CACHD1: variants seen among roughly 807,000 people sequenced by gnomAD.
CACHD1 encodes cache domain containing 1.
A neutral mutation model predicts 138.7 loss-of-function variants in CACHD1; 71 were observed. The observed-to-expected ratio is 0.51, with a 90% CI of 0.42 to 0.62. CACHD1 has a LOEUF of 0.62. Ranked by LOEUF, CACHD1 falls within the 20% of genes least tolerant of loss-of-function variation. CACHD1 has a pLI of 0.00. For missense variants in CACHD1, 1,389 were observed against 1,625.3 expected, an observed-to-expected ratio of 0.85 and a Z score of 2.50; for synonymous variants, 578 against 591.5, an observed-to-expected ratio of 0.98 and a Z score of 0.33.
At position 64,470,758 on chromosome 1, in the gene CACHD1, C is replaced by G. The variant is rs1646138339; in HGVS notation, c.14C>G (p.Pro5Arg). The change falls in exon 1 of 27, where the codon CCG becomes CGG. Residue 5 changes from proline (P) to arginine (R), a missense_variant. Physicochemically the swap from Pro to Arg is moderately radical, Grantham distance 103 (BLOSUM62 -2). This residue lies in a region of CACHD1 where 1,000 missense variants were observed against 1,114.7 expected (regional missense o/e 0.90). Coordinates refer to ENST00000651257, the MANE Select transcript of CACHD1 (RefSeq NM_020925.4). This position sits in a 1 kb window ranked among gnomAD's most constrained non-coding sequence, Gnocchi z 5.2. MARQ[P>R]EEEETAVARA... ...GGGGGAGGCAGCATGGCCCGCCAGC[C>G]GGAGGAAGAGGAGACGGCCGTGGCC... The G allele has an allele frequency of 4.0e-6, 3 of 749,456 alleles. No individual in the cohort carries two copies. Among genetic ancestry groups the G allele is most frequent in the African/African-American group, 1.8e-5 (1 of 54,364 alleles). 46.4% of individuals were successfully genotyped at this position (749,456 alleles called of 1,614,324 possible).
chr1:64,481,126 C>A (rs540558445), intron 1 of CACHD1, among the ~76,000 whole-genome samples: 1 of 152,148 alleles, frequency 6.6e-6, no homozygotes, highest in African/African-American at 2.4e-5. Flanking sequence ...TAAAAAGTAG[C>A]TTATGGTCCA....
chr1:64,660,820 C>G (rs181109664), intron 13 of CACHD1, among the ~76,000 whole-genome samples: 1 of 152,146 alleles, frequency 6.6e-6, no homozygotes, highest in African/African-American at 2.4e-5. Context: ...GCCACTGTGC[C>G]CAGCCACTTT....
chr1:64,547,972 C>T (rs559790946), intron 1 of CACHD1, among the ~76,000 whole-genome samples: 39 of 152,234 alleles, frequency 2.6e-4, no homozygotes, highest in African/African-American at 9.1e-4. Context: ...TTAAAATTTT[C>T]TTTTGCCCAC....
intron 17 of CACHD1, 53 bp from the exon 18 acceptor site, chr1:64,673,105 A>G (rs1649868838): frequency 1.4e-5 from 13 of 952,052 alleles, no homozygotes; most frequent in Non-Finnish European, 1.9e-5. Flanking sequence ...AATACGTTTG[A>G]AAAAAAAAAA....
intron 1 of CACHD1, among the ~76,000 whole-genome samples, chr1:64,502,935 A>T (rs1211163083): frequency 6.6e-6 from 1 of 152,178 alleles, no homozygotes; most frequent in African/African-American, 2.4e-5. Context: ...ATCTCCCTGT[A>T]TTCCCTGGGG....
intron 26 of CACHD1, among the ~76,000 whole-genome samples, chr1:64,690,708 A>G (rs1650520023): frequency 6.6e-6 from 1 of 152,228 alleles, no homozygotes; most frequent in Non-Finnish European, 1.5e-5. Context: ...TAAAATGTAT[A>G]TTAAAATATA....
chr1:64,511,600 AC>A (rs1328794927), intron 1 of CACHD1, among the ~76,000 whole-genome samples: 2 of 152,186 alleles, frequency 1.3e-5, no homozygotes, highest in Non-Finnish European at 2.9e-5. Context: ...CCAAGTGGTC[AC>A]CCAGCCGCTT....
chr1:64,598,865 C>G (rs1007259490), intron 3 of CACHD1, among the ~76,000 whole-genome samples: 2 of 150,418 alleles, frequency 1.3e-5, no homozygotes, highest in African/African-American at 4.9e-5. Context: ...GTGTTGGAAA[C>G]TAATCACCAA....
Position 64,681,298 on chromosome 1 carries a change from T to A in CACHD1, c.3447T>A (p.Asp1149Glu), listed in dbSNP as rs1399249293. 9.9e-6 allele frequency: 16 copies of A among 1,614,000 alleles called. No homozygotes were observed. The highest frequency in any genetic ancestry group is 1.4e-5 in the Non-Finnish European group (16 of 1,179,888). Residue 1149 changes from aspartate (D) to glutamate (E), a missense_variant, in exon 25 of 27, where the codon GAT (aspartate) becomes GAA (glutamate). This residue lies in a region of CACHD1 where 250 missense variants were observed against 292.9 expected (regional missense o/e 0.85). Transcript: ENST00000651257. The stretch of plus-strand genomic sequence containing the variant: ...TGTCCAACCTGGAGAATGACAGAGA[T>A]GAAAGGGACGACGACAGCCACGAAG... ...VRMSNLENDR[D>E]ERDDDSHEDR... is the part of the protein sequence containing the mutation.
rs1646138488 is a variant in CACHD1 at position 64,470,785 on chromosome 1, G to C, written c.41G>C (p.Arg14Pro). ...QPEEEETAVARARRPPLWLLC... is the reference protein window; with the variant it reads ...QPEEEETAVAPARRPPLWLLC... ...GAGGAAGAGGAGACGGCCGTGGCCC[G>C]GGCGCGGCGGCCGCCCCTCTGGCTG... Residue 14 changes from arginine to proline, a missense_variant, in exon 1 of 27, where the codon CGG becomes CCG. Physicochemically the swap from Arg to Pro is moderately radical, Grantham distance 103 (BLOSUM62 -2). Coordinates refer to ENST00000651257, the MANE Select transcript of CACHD1 (RefSeq NM_020925.4). This position sits in a 1 kb window ranked among gnomAD's most constrained non-coding sequence, Gnocchi z 5.2. The C allele has an allele frequency of 1.9e-6, 2 of 1,056,610 alleles. No homozygotes were observed. The highest frequency in any genetic ancestry group is 4.2e-5 in the Admixed American group (2 of 47,094). The allele number at this position is 1,056,610 out of a possible 1,614,324, so 65.5% of individuals were successfully genotyped here.
At chr1:64,582,978 T>A (rs1300796478) in intron 3 of CACHD1, among the ~76,000 whole-genome samples, 1 of 152,220 alleles carries the variant, frequency 6.6e-6, no homozygotes, top group Non-Finnish European at 1.5e-5. Flanking sequence ...TTTCTACCAA[T>A]GTGGAAAATA....
intron 15 of CACHD1, among the ~76,000 whole-genome samples, 191 bp downstream of exon 15, chr1:64,664,870 T>A (rs527999449): frequency 6.6e-6 from 1 of 152,336 alleles, no homozygotes; most frequent in African/African-American, 2.4e-5. Context: ...CTATCTAAAA[T>A]GTTTTTATCT....
chr1:64,481,612 C>A (rs569739686), intron 1 of CACHD1, among the ~76,000 whole-genome samples: 34 of 152,218 alleles, frequency 2.2e-4, no homozygotes, highest in Non-Finnish European at 3.2e-4. Context: ...GTGGAAGAAG[C>A]CTGCCAGTCA....
rs983543099 is a variant in CACHD1 at position 64,647,840 on chromosome 1, A to T, written c.1196A>T (p.Asp399Val). 9.3e-6 allele frequency: 15 copies of T among 1,614,018 alleles called. No individual in the cohort carries two copies. Among genetic ancestry groups the T allele is most frequent in the Non-Finnish European group, 1.2e-5 (14 of 1,180,026 alleles). ...TTGAAAGAGCTGGCTTTTCTGAGGG[A>T]TCTAGCTGAACAGAATTCAGGGAAG... ...TGLKELAFLR[D>V]LAEQNSGKYG... Residue 399 changes from aspartate to valine, a missense_variant, in exon 9 of 27, where the codon GAT becomes GTT. By Grantham distance (152) the Asp-to-Val change is radical. Transcript: ENST00000651257.
intron 5 of CACHD1, among the ~76,000 whole-genome samples, chr1:64,630,958 C>T (rs1648282833): frequency 6.6e-6 from 1 of 152,192 alleles, no homozygotes; most frequent in Admixed American, 6.5e-5. Context: ...GACTGCGATT[C>T]ACATTTCTTG....
rs188381048 is a variant in CACHD1, at chr1:64,673,446, A to G, written c.2709A>G (p.Lys903=). Residue 903 remains lysine (K), a synonymous_variant, in exon 19 of 27, where the codon AAA becomes AAG. Transcript: ENST00000651257. ...ACAGAACGGTCCAGAGGTTTTATAAATTCAACACCAGCCTTGCGGTAAGTT... is the reference window on the plus strand; with the variant it reads ...ACAGAACGGTCCAGAGGTTTTATAAGTTCAACACCAGCCTTGCGGTAAGTT... ...FSDRTVQRFY[K]FNTSLAGDLT... 14 of 1,613,574 alleles carry G rather than the reference A, an allele frequency of 8.7e-6. No individual in the cohort carries two copies. The highest frequency in any genetic ancestry group is 1.3e-5 in the African/African-American group (1 of 75,028).
chr1:64,475,705 C>G (rs1457088406), intron 1 of CACHD1, among the ~76,000 whole-genome samples: 1 of 152,042 alleles, frequency 6.6e-6, no homozygotes, highest in Non-Finnish European at 1.5e-5. Flanking sequence ...TGCCACGACA[C>G]CCGGCTAATT....
chr1:64,646,107 T>C (rs575381779), intron 8 of CACHD1, among the ~76,000 whole-genome samples: 2 of 152,302 alleles, frequency 1.3e-5, no homozygotes, highest in South Asian at 4.1e-4. Context: ...CTACTCTTCT[T>C]TGCCTAGTAG....
chr1:64,651,151 A>G (rs4433439), intron 9 of CACHD1, among the ~76,000 whole-genome samples: 111,269 of 151,954 alleles, frequency 0.73, 45,021 homozygotes, highest in Non-Finnish European at 0.93. Flanking sequence ...TGAAAAGGTT[A>G]TTTTTTATAA....
Sources: allele counts gnomAD v4.1 joint callset (sites outside exome capture counted in the v4.1 genomes callset), GRCh38; gene constraint gnomAD v4.1.1; regional missense constraint gnomAD v4.1.1; non-coding constraint Gnocchi (gnomAD v3.1); transcripts MANE v1.5; gene names NCBI Gene and HGNC (gene_info 2026-07-23, HGNC 2026-07-21).